Variants in TTLL11 observed in about 807,000 individuals in gnomAD.
TTLL11 encodes tubulin polyglutamylase TTLL11.
TTLL11 carries 42 observed loss-of-function variants against 51.7 expected under a neutral mutation model. The observed-to-expected ratio is 0.81, with a 90% CI of 0.64 to 1.05. The LOEUF (loss-of-function observed/expected upper bound fraction) is 1.05. TTLL11 is among the 50% of genes least tolerant of loss of function. The probability of loss-of-function intolerance (pLI) is 0.00; values close to 1 mark genes in which losing one functional copy is unlikely to be tolerated. For synonymous variants in TTLL11, 381 were observed against 383.5 expected (o/e 0.99, Z 0.08); for missense variants, 799 against 940.4 (o/e 0.85, Z 1.97).
chr9:122,008,739 G>T (rs1352236056), intron 3 of TTLL11, among the ~76,000 whole-genome samples: 2 of 152,210 alleles, frequency 1.3e-5, no homozygotes, highest in African/African-American at 4.8e-5. Context: ...AGAGAGATCC[G>T]CACTCCCGTG....
At chr9:121,922,452 C>T (rs1840578830) in intron 6 of TTLL11, among the ~76,000 whole-genome samples, 1 of 152,124 alleles carries the variant, frequency 6.6e-6, no homozygotes, top group Non-Finnish European at 1.5e-5. Flanking sequence ...TGAATTGCTA[C>T]ATTAGACTGA....
At chr9:122,068,376 C>G (rs1469602916) in intron 1 of TTLL11, among the ~76,000 whole-genome samples, 1 of 152,070 alleles carries the variant, frequency 6.6e-6, no homozygotes, top group African/African-American at 2.4e-5. Context: ...TACTGGTCTA[C>G]TATGTAAATT....
At chr9:121,837,442 T>C (rs1438057941) in intron 8 of TTLL11, among the ~76,000 whole-genome samples, 1 of 152,086 alleles carries the variant, frequency 6.6e-6, no homozygotes, top group Non-Finnish European at 1.5e-5. Context: ...CTTGGTGCTT[T>C]GAAAGGGCTT....
chr9:121,920,488 G>A (rs1330342131), intron 6 of TTLL11, among the ~76,000 whole-genome samples: 3 of 152,158 alleles, frequency 2.0e-5, no homozygotes, highest in Admixed American at 6.5e-5. Flanking sequence ...GATGAAGGAC[G>A]TCACTAGGCA....
intron 6 of TTLL11, among the ~76,000 whole-genome samples, chr9:121,965,181 G>T (rs1470763073): frequency 6.6e-6 from 1 of 152,178 alleles, no homozygotes; most frequent in East Asian, 1.9e-4. Context: ...GTGCTGGTCT[G>T]CAGGGTCAGG....
chr9:121,935,542 G>GA (rs1008471769), intron 6 of TTLL11, among the ~76,000 whole-genome samples: 5 of 152,312 alleles, frequency 3.3e-5, no homozygotes, highest in African/African-American at 1.2e-4. Flanking sequence ...AAAAGCCACT[G>GA]AAGTGTTTTT....
rs1168013840 is a variant in TTLL11 at position 121,995,566 on chromosome 9, T to A, written c.694-5796A>T. ...TTCAGCAATTTTGGGAGGGGTGATG[T>A]TACCATTAACAGATTTAGGGACTAC... On this transcript the variant is annotated intron_variant, in intron 3 of 8. Coordinates refer to ENST00000321582, the MANE Select transcript of TTLL11 (RefSeq NM_001139442.2). This position sits in a 1 kb window ranked among gnomAD's most constrained non-coding sequence, Gnocchi z 4.4. 5.3e-5 allele frequency among the ~76,000 whole-genome samples: 8 copies of A among 152,066 alleles called. No homozygotes were observed.
At chr9:121,855,958 A>G (rs1837804078) in intron 8 of TTLL11, among the ~76,000 whole-genome samples, 2 of 152,258 alleles carry the variant, frequency 1.3e-5, no homozygotes, top group South Asian at 4.1e-4. Context: ...GTCATATACT[A>G]TTGCAATCGT....
rs549361143 is a variant in TTLL11, at chr9:121,848,550, T to C, written c.1840+11787A>G. 2.2e-4 allele frequency among the ~76,000 whole-genome samples: 34 copies of C among 152,296 alleles called. No individual in the cohort carries two copies. In the South Asian group the frequency reaches 6.8e-3, roughly 31 times the overall value. On this transcript the variant is annotated intron_variant, in intron 8 of 8. Coordinates refer to ENST00000321582, the MANE Select transcript of TTLL11 (RefSeq NM_001139442.2). ...TGAAGTAACAAATGACTATAGTATG[T>C]TTGAAGGATACAAGGTTATTATAGG...
At chr9:122,052,209 T>C (rs1472959903) in intron 1 of TTLL11, among the ~76,000 whole-genome samples, 1 of 152,220 alleles carries the variant, frequency 6.6e-6, no homozygotes, top group Non-Finnish European at 1.5e-5. Flanking sequence ...TCTGCCTTGC[T>C]GCTCACATCT....
chr9:121,873,735 T>C (rs1330890206), intron 6 of TTLL11, among the ~76,000 whole-genome samples: 1 of 151,746 alleles, frequency 6.6e-6, no homozygotes, highest in Non-Finnish European at 1.5e-5. Flanking sequence ...CACAGCTCAC[T>C]GTAGCCTAGG....
At chr9:121,990,181 C>G (rs1453188649) in intron 3 of TTLL11, among the ~76,000 whole-genome samples, 1 of 152,226 alleles carries the variant, frequency 6.6e-6, no homozygotes, top group East Asian at 1.9e-4. Context: ...TCATCTAACC[C>G]TCACAGAAAA....
At chr9:122,029,991 C>T (rs1376362527) in intron 3 of TTLL11, among the ~76,000 whole-genome samples, 1 of 152,090 alleles carries the variant, frequency 6.6e-6, no homozygotes, top group Admixed American at 6.5e-5. Context: ...ATAGGCTATA[C>T]CGTATAGCCT....
intron 6 of TTLL11, among the ~76,000 whole-genome samples, chr9:121,911,808 C>A (rs945582416): frequency 6.6e-6 from 1 of 152,068 alleles, no homozygotes; most frequent in Non-Finnish European, 1.5e-5. Context: ...GGAGGAATAG[C>A]ATTAGGAGAA....
Position 121,974,052 on chromosome 9 carries a change from T to C in TTLL11, c.1438A>G (p.Thr480Ala). The change falls in exon 6 of 9, where the codon ACT (threonine) becomes GCT (alanine). Residue 480 changes from threonine (T) to alanine (A), a missense_variant. Thr to Ala is a moderately conservative substitution (Grantham distance 58). This residue lies in a region of TTLL11 where 468 missense variants were observed against 612.8 expected (regional missense o/e 0.76). Transcript: ENST00000321582. ...EEVKVAVIRD[T>A]LRLMDPLKKK... ...TTAAGTGGGTCCATGAGGCGCAGAG[T>C]GTCTCTGATCACAGCCACTTTCACT... is the stretch of plus-strand genomic sequence containing the variant. 6.4e-7 allele frequency: 1 copy of C among 1,551,668 alleles called. No individual in the cohort carries two copies. The highest frequency in any genetic ancestry group is 8.7e-7 in the Non-Finnish European group (1 of 1,147,002).
At chr9:121,826,309 T>G (rs1490241484) in intron 8 of TTLL11, among the ~76,000 whole-genome samples, 3 of 75,582 alleles carry the variant, frequency 4.0e-5, no homozygotes, top group African/African-American at 6.2e-5. Context: ...TATATATATA[T>G]GGGTTTATAT....
At chr9:121,963,655 C>G (rs926137322) in intron 6 of TTLL11, 5 of 152,198 alleles carry the variant, frequency 3.3e-5, no homozygotes, top group African/African-American at 1.2e-4. Flanking sequence ...TGTGGAATGA[C>G]ACTCTCACAT....
intron 3 of TTLL11, among the ~76,000 whole-genome samples, chr9:122,029,207 G>A (rs529000190): frequency 1.1e-4 from 17 of 151,996 alleles, no homozygotes; most frequent in African/African-American, 4.1e-4. Context: ...AAACTACTAC[G>A]TTACTAGCTT....
chr9:121,859,093 C>T (rs1371838630), intron 8 of TTLL11, among the ~76,000 whole-genome samples: 2 of 148,372 alleles, frequency 1.3e-5, no homozygotes, highest in African/African-American at 5.0e-5. Context: ...GCCTACTGCA[C>T]TGGTTTACCG....
Sources: allele counts gnomAD v4.1 joint callset (sites outside exome capture counted in the v4.1 genomes callset), GRCh38; gene constraint gnomAD v4.1.1; regional missense constraint gnomAD v4.1.1; non-coding constraint Gnocchi (gnomAD v3.1); transcripts MANE v1.5; gene names NCBI Gene and HGNC (gene_info 2026-07-23, HGNC 2026-07-21).